The following TTPA variants were observed in gnomAD, a reference collection of about 807,000 sequenced individuals.
The protein encoded by TTPA is alpha tocopherol transfer protein.
TTPA carries 23 observed loss-of-function variants against 25.9 expected under a neutral mutation model. The observed-to-expected ratio is 0.89, with a 90% CI of 0.64 to 1.26. The LOEUF is 1.26. Ranked by LOEUF, TTPA falls within the 50% of genes most tolerant of loss-of-function variation. The pLI is 0.00. For synonymous variants in TTPA, 148 were observed against 137.3 expected (o/e 1.08, Z -0.54); for missense variants, 337 against 353.1 (o/e 0.95, Z 0.37).
chr8:63,061,283 TA>T lies in TTPA; in HGVS notation c.805del (p.Tyr269IlefsTer25). ...WTNFIMKSED[Y>X]LSSISESIQ ...AATGCTCTCAGAAATGCTGCTGAGATAATCTTCAGACTTCATTATAAAATTT... is the reference window on the plus strand; with the variant it reads ...AATGCTCTCAGAAATGCTGCTGAGATATCTTCAGACTTCATTATAAAATTT... On this transcript the variant is annotated frameshift_variant, in exon 5 of 5. Transcript: ENST00000260116. LOFTEE classifies it high-confidence loss of function. The T allele has an allele frequency of 1.2e-6, 2 of 1,613,834 alleles. No individual in the cohort carries two copies. The highest frequency in any genetic ancestry group is 1.7e-6 in the Non-Finnish European group (2 of 1,179,922).
At chr8:63,064,454 T>C (rs1805357338) in intron 3 of TTPA, 138 bp from the exon 4 acceptor site, 1 of 648,196 alleles carries the variant, frequency 1.5e-6, no homozygotes, top group Non-Finnish European at 2.7e-6. Context: ...AATTATTTAT[T>C]CCATCAGCAC....
rs1272352662 is a variant in TTPA, at chr8:63,066,024, T to C, written c.432A>G (p.Val144=). 6.2e-7 allele frequency: 1 copy of C among 1,614,072 alleles called. No individual in the cohort carries two copies. Among genetic ancestry groups the C allele is most frequent in the East Asian group, 2.2e-5 (1 of 44,866 alleles). Reference sequence around the variant, plus strand: ...CATTCCGCTGAGTTTCTACCTCCTGTACAATAAGCTCGGATGTGATTAGAC... The same window carrying C: ...CATTCCGCTGAGTTTCTACCTCCTGCACAATAAGCTCGGATGTGATTAGAC... ...RVSLITSELI[V]QEVETQRNGI... The change falls in exon 3 of 5, where the codon GTA becomes GTG. Residue 144 remains valine (V), a synonymous_variant. Coordinates refer to ENST00000260116, the MANE Select transcript of TTPA (RefSeq NM_000370.3).
intron 2 of TTPA, 100 bp from the exon 3 acceptor site, chr8:63,066,197 AAT>A (rs1805387723): frequency 8.4e-7 from 1 of 1,190,680 alleles, no homozygotes; most frequent in African/African-American, 1.5e-5. Context: ...GATCAGTTGA[AAT>A]AAAAACATCT....
intron 2 of TTPA, among the ~76,000 whole-genome samples, chr8:63,068,047 G>A (rs1805424930): frequency 6.6e-6 from 1 of 152,150 alleles, no homozygotes; most frequent in South Asian, 2.1e-4. Context: ...GTATGGACAT[G>A]TTAAAATGGT....
chr8:63,066,383 G>A (rs1275208624), intron 2 of TTPA, among the ~76,000 whole-genome samples: 1 of 152,166 alleles, frequency 6.6e-6, no homozygotes, highest in East Asian at 1.9e-4. Flanking sequence ...CATAAAGATG[G>A]GAATGCCATT....
At chr8:63,066,345 T>C (rs1805390810) in intron 2 of TTPA, among the ~76,000 whole-genome samples, 1 of 152,220 alleles carries the variant, frequency 6.6e-6, no homozygotes, top group Non-Finnish European at 1.5e-5. Flanking sequence ...CAGGCTGAAT[T>C]TGACTGCAAG....
intron 1 of TTPA, among the ~76,000 whole-genome samples, chr8:63,080,327 G>C (rs928080847): frequency 8.5e-5 from 13 of 152,138 alleles, no homozygotes; most frequent in African/African-American, 2.7e-4. Flanking sequence ...GATCACAGCA[G>C]AACTGAAAGA....
chr8:63,084,223 A>G (rs2129791730), intron 1 of TTPA, among the ~76,000 whole-genome samples: 2 of 152,254 alleles, frequency 1.3e-5, no homozygotes, highest in South Asian at 4.1e-4. Context: ...AGTTTGTTAT[A>G]TTACTCAACA....
intron 2 of TTPA, among the ~76,000 whole-genome samples, chr8:63,070,235 G>A (rs34417501): frequency 0.2 from 30,776 of 152,050 alleles, 3,497 homozygotes; most frequent in South Asian, 0.27. Context: ...GTATACTATG[G>A]GATCTCAAAA....
At chr8:63,063,639 ATTATT>A (rs1274917855) in intron 4 of TTPA, among the ~76,000 whole-genome samples, 1 of 152,146 alleles carries the variant, frequency 6.6e-6, no homozygotes, top group East Asian at 1.9e-4. Flanking sequence ...ATCCACTTAT[ATTATT>A]TTTTGTATAT....
chr8:63,085,801 TG>T lies in TTPA; in HGVS notation c.204+16del. The T allele has an allele frequency of 6.5e-7, 1 of 1,532,968 alleles. No individual in the cohort carries two copies. The allele number at this position is 1,532,968 out of a possible 1,614,324, so 95.0% of individuals were successfully genotyped here. A position where few individuals can be genotyped will look rare whatever the true frequency, so the allele number is the denominator to read the frequency against. On this transcript the variant is annotated intron_variant, in intron 1 of 4. Coordinates refer to ENST00000260116, the MANE Select transcript of TTPA (RefSeq NM_000370.3). ...GTGAGGTGCGCACTGCCGAGCGCCC[TG>T]GGCACGCACGCTTACCCGCCAGGCC...
chr8:63,078,270 G>T (rs1462615817), intron 1 of TTPA, among the ~76,000 whole-genome samples: 2 of 152,154 alleles, frequency 1.3e-5, no homozygotes, highest in Non-Finnish European at 1.5e-5. Context: ...AAACCAGAGC[G>T]CCTCTTCTCC....
downstream of TTPA, among the ~76,000 whole-genome samples, chr8:63,058,940 T>A (rs776917129): frequency 7.9e-5 from 12 of 151,854 alleles, no homozygotes; most frequent in Non-Finnish European, 1.5e-4. Flanking sequence ...TCTTTTATTA[T>A]TTTTAATTAT....
intron 2 of TTPA, among the ~76,000 whole-genome samples, chr8:63,067,931 G>A (rs2129750988): frequency 6.6e-6 from 1 of 152,300 alleles, no homozygotes; most frequent in East Asian, 1.9e-4. Flanking sequence ...CCCTGTTGCT[G>A]CAAAGGACAT....
In TTPA at chr8:63,085,930, A is replaced by AGCGCCGCC. The variant is rs1805745954; in HGVS notation, c.84_91dup (p.Leu31ArgfsTer43). The AGCGCCGCC allele has an allele frequency of 1.3e-6, 2 of 1,519,530 alleles. No homozygotes were observed. The highest frequency in any genetic ancestry group is 1.4e-5 in the African/African-American group (1 of 70,252). 94.1% of individuals were successfully genotyped at this position (1,519,530 alleles called of 1,614,324 possible). A position where few individuals can be genotyped will look rare whatever the true frequency, so the allele number is the denominator to read the frequency against. ...GCCAGCTTCCCGGGCCCGGCGCCGC[A>AGCGCCGCC]GCGCCGCCAGGCCCGGCTGCAGCAA... On this transcript the variant is annotated frameshift_variant, in exon 1 of 5. Coordinates refer to ENST00000260116, the MANE Select transcript of TTPA (RefSeq NM_000370.3). LOFTEE classifies it high-confidence loss of function.
rs1474457882 is a variant in TTPA, at chr8:63,059,940, C to G, written c.*1312G>C. 6.6e-6 allele frequency: 1 copy of G among 152,158 alleles called. No individual in the cohort carries two copies. The highest frequency in any genetic ancestry group is 2.4e-5 in the African/African-American group (1 of 41,434). 9.4% of individuals were successfully genotyped at this position (152,158 alleles called of 1,614,324 possible). A position where few individuals can be genotyped will look rare whatever the true frequency, so the allele number is the denominator to read the frequency against. On this transcript the variant is annotated 3_prime_UTR_variant, in exon 5 of 5. Transcript: ENST00000260116. ...CTCCTGCGCTCAAGCAATCATCCAT[C>G]CAGCCTCGGCCTCCCAAAGTGCTGG...
chr8:63,070,930 AT>A (rs1364677297), intron 2 of TTPA, among the ~76,000 whole-genome samples: 161 of 152,352 alleles, frequency 1.1e-3, no homozygotes, highest in African/African-American at 3.7e-3. Flanking sequence ...TAACCAGTAT[AT>A]AATTTTTAAC....
At chr8:63,078,037 C>A (rs1446327831) in intron 1 of TTPA, among the ~76,000 whole-genome samples, 1 of 152,190 alleles carries the variant, frequency 6.6e-6, no homozygotes. Context: ...GACACCCAGG[C>A]AAACAGGGTC....
chr8:63,064,287 G>T lies in TTPA; in HGVS notation c.582C>A (p.Ile194=), dbSNP rs1188238100. The change falls in exon 4 of 5, where the codon ATC becomes ATA. Residue 194 remains isoleucine, a synonymous_variant. Coordinates refer to ENST00000260116, the MANE Select transcript of TTPA (RefSeq NM_000370.3). The part of the protein sequence containing the change: ...TDSFPLKVRG[I]HLINEPVIFH... Reference sequence around the variant, plus strand: ...AAATTACTGGTTCATTTATCAAATGGATGCCACGAACTTTCAATGGAAATG... The same window carrying T: ...AAATTACTGGTTCATTTATCAAATGTATGCCACGAACTTTCAATGGAAATG... 1 of 1,612,728 alleles carries T rather than the reference G, an allele frequency of 6.2e-7. No individual in the cohort carries two copies.
Sources: allele counts gnomAD v4.1 joint callset (sites outside exome capture counted in the v4.1 genomes callset), GRCh38; gene constraint gnomAD v4.1.1; transcripts MANE v1.5; gene names NCBI Gene and HGNC (gene_info 2026-07-23, HGNC 2026-07-21).